Variants in OR51B5 observed in about 807,000 individuals in gnomAD.
The protein encoded by OR51B5 is olfactory receptor 51B5.
For synonymous variants in OR51B5, 186 were observed against 144.8 expected (o/e 1.28, Z -2.04); for missense variants, 456 against 374.6 (o/e 1.22, Z -1.79).
At position 5,422,133 on chromosome 11, in the gene OR51B5, A is replaced by T. The variant is rs1405313541; in HGVS notation, n.85-75223T>A. ...AATTTGGATTAAATGGGGCAAAGAG[A>T]TATTATTTCTAATGTTTCTTTTTCT... On this transcript the variant is annotated intron_variant and non_coding_transcript_variant, in intron 1 of 4. Coordinates refer to the OR51B5 transcript ENST00000415970. 6 of 1,216,666 alleles carry T rather than the reference A, an allele frequency of 4.9e-6. No homozygotes were observed. In the African/African-American group the frequency reaches 6.1e-5, roughly 12 times the overall value. 75.4% of individuals were successfully genotyped at this position (1,216,666 alleles called of 1,614,324 possible).
intron 1 of OR51B5, among the ~76,000 whole-genome samples, chr11:5,360,569 G>T (rs12794414): frequency 0.37 from 56,721 of 151,404 alleles, 10,879 homozygotes; most frequent in Non-Finnish European, 0.4. Context: ...CAACCATTGT[G>T]GAAGTCAGTG....
intron 1 of OR51B5, chr11:5,391,774 CCA>C (rs1491015461): frequency 1.8e-5 from 1 of 55,776 alleles, no homozygotes; most frequent in Non-Finnish European, 4.5e-5. Context: ...TGCTATAATC[CCA>C]GCACTTTGGG....
chr11:5,356,359 T>A (rs1355765277), intron 1 of OR51B5, among the ~76,000 whole-genome samples: 1 of 151,634 alleles, frequency 6.6e-6, no homozygotes, highest in South Asian at 2.1e-4. Flanking sequence ...TTCGATCAAC[T>A]GGAAGAAAGG....
At chr11:5,422,501 G>A in intron 1 of OR51B5, 5 of 1,614,116 alleles carry the variant, frequency 3.1e-6, no homozygotes, top group Non-Finnish European at 4.2e-6. Flanking sequence ...GGCCTGTTTT[G>A]CTCAGTTTTT....
intron 1 of OR51B5, chr11:5,403,007 C>A (rs1307798370): frequency 2.1e-6 from 1 of 471,522 alleles, no homozygotes; most frequent in African/African-American, 2.0e-5. Flanking sequence ...AGCTACACAG[C>A]TATCCTGACA....
At chr11:5,487,945 C>T (rs1246372557) in intron 1 of OR51B5, among the ~76,000 whole-genome samples, 1 of 152,148 alleles carries the variant, frequency 6.6e-6, no homozygotes, top group Admixed American at 6.6e-5. Flanking sequence ...CTAGCCTCTT[C>T]ATAGGCACTT....
chr11:5,405,727 G>C (rs1327484427), intron 1 of OR51B5, among the ~76,000 whole-genome samples: 1 of 152,208 alleles, frequency 6.6e-6, no homozygotes, highest in Non-Finnish European at 1.5e-5. Flanking sequence ...AATTGACAAA[G>C]AGTGCTTTTA....
chr11:5,468,557 T>C (rs1181850909), intron 1 of OR51B5: 7 of 410,490 alleles, frequency 1.7e-5, no homozygotes, highest in Non-Finnish European at 3.0e-5. Flanking sequence ...GAATAGATAA[T>C]TGGGTAGAGC....
At chr11:5,415,057 G>C (rs535717927) in intron 1 of OR51B5, among the ~76,000 whole-genome samples, 20 of 152,004 alleles carry the variant, frequency 1.3e-4, no homozygotes, top group Admixed American at 6.5e-4. Flanking sequence ...TAAAAGAACA[G>C]AAATTATAAC....
intron 1 of OR51B5, chr11:5,385,227 G>A (rs1304516187): frequency 6.6e-6 from 1 of 152,142 alleles, no homozygotes; most frequent in East Asian, 1.9e-4. Flanking sequence ...ATGAAAAAAT[G>A]ACTGTTGCTC....
chr11:5,373,973 A>G (rs984543135), intron 1 of OR51B5, among the ~76,000 whole-genome samples: 3 of 152,148 alleles, frequency 2.0e-5, no homozygotes, highest in Non-Finnish European at 2.9e-5. Flanking sequence ...CTTTGAGGAG[A>G]GCAGTGGTTC....
At chr11:5,362,618 G>A (rs1345286122) in intron 1 of OR51B5, 3 of 68,812 alleles carry the variant, frequency 4.4e-5, no homozygotes, top group South Asian at 8.2e-4. Context: ...GGGCAAAATG[G>A]AGCTCAAGGC....
At chr11:5,467,825 T>C (rs1187332204) in intron 1 of OR51B5, among the ~76,000 whole-genome samples, 1 of 152,246 alleles carries the variant, frequency 6.6e-6, no homozygotes, top group Non-Finnish European at 1.5e-5. Flanking sequence ...CAACAACCTC[T>C]GTTAGGCTTC....
chr11:5,373,251 G>C (rs548231970), intron 1 of OR51B5, among the ~76,000 whole-genome samples: 2 of 152,190 alleles, frequency 1.3e-5, no homozygotes, highest in Admixed American at 6.5e-5. Context: ...TATCAGTCTC[G>C]GCAATTTTTT....
intron 1 of OR51B5, among the ~76,000 whole-genome samples, chr11:5,483,249 T>C (rs1367825828): frequency 2.1e-5 from 3 of 145,052 alleles, no homozygotes; most frequent in South Asian, 2.3e-4. Context: ...CAGTAAACTA[T>C]TGCAAGAACA....
At chr11:5,395,395 C>G (rs1248209858) in intron 1 of OR51B5, among the ~76,000 whole-genome samples, 1 of 152,114 alleles carries the variant, frequency 6.6e-6, no homozygotes, top group African/African-American at 2.4e-5. Flanking sequence ...GGAGTGACCT[C>G]TCTAATATCC....
chr11:5,477,178 T>C (rs1851321420), intron 1 of OR51B5, among the ~76,000 whole-genome samples: 1 of 152,070 alleles, frequency 6.6e-6, no homozygotes, highest in South Asian at 2.1e-4. Context: ...ACTCATCAAC[T>C]GAATTTCGTG....
At chr11:5,437,043 G>A (rs904944229) in intron 1 of OR51B5, among the ~76,000 whole-genome samples, 1 of 152,068 alleles carries the variant, frequency 6.6e-6, no homozygotes, top group Admixed American at 6.5e-5. Context: ...GCTGGTATTG[G>A]GGAAAGGAGG....
intron 1 of OR51B5, among the ~76,000 whole-genome samples, chr11:5,353,705 T>C (rs1849138915): frequency 6.6e-6 from 1 of 152,232 alleles, no homozygotes; most frequent in African/African-American, 2.4e-5. Flanking sequence ...ATGATGTGCT[T>C]GGACTACACA....
Sources: gnomAD v4.1 joint callset for allele counts (sites outside exome capture counted in the v4.1 genomes callset) on GRCh38, gnomAD v4.1.1 for gene constraint, MANE v1.5 for transcripts, NCBI Gene and HGNC (gene_info 2026-07-23, HGNC 2026-07-21) for gene names.